Variants in PCDHGA7 observed in about 807,000 individuals in gnomAD.
The protein encoded by PCDHGA7 is protocadherin gamma-A7.
In PCDHGA7, 44 loss-of-function variants were observed where a neutral mutation model predicts 58.3. The observed-to-expected ratio is 0.75, with a 90% CI of 0.59 to 0.97. PCDHGA7 has a LOEUF of 0.97. PCDHGA7 is among the 50% of genes least tolerant of loss of function. The pLI is 0.00. For synonymous variants in PCDHGA7, 516 were observed against 504.2 expected, an observed-to-expected ratio of 1.02 and a Z score of -0.31; for missense variants, 1,266 against 1,188.7, an observed-to-expected ratio of 1.06 and a Z score of -0.96.
chr5:141,394,619 C>T, intron 1 of PCDHGA7: 1 of 1,613,528 alleles, frequency 6.2e-7, no homozygotes, highest in Non-Finnish European at 8.5e-7. Flanking sequence ...GCCAGAACGC[C>T]TGGCTGTCCT....
At chr5:141,464,978 GT>G in intron 1 of PCDHGA7, among the ~76,000 whole-genome samples, 1 of 152,148 alleles carries the variant, frequency 6.6e-6, no homozygotes, top group East Asian at 1.9e-4. Context: ...CTGGCTTCAA[GT>G]GATCCTCCCA....
intron 1 of PCDHGA7, chr5:141,395,075 C>A: frequency 6.2e-7 from 1 of 1,614,124 alleles, no homozygotes; most frequent in Non-Finnish European, 8.5e-7. Context: ...AGACCTATTC[C>A]CAGGAAGTCT....
At chr5:141,467,643 C>G (rs2099147861) in intron 1 of PCDHGA7, among the ~76,000 whole-genome samples, 1 of 152,112 alleles carries the variant, frequency 6.6e-6, no homozygotes, top group Non-Finnish European at 1.5e-5. Flanking sequence ...TTATCATGTA[C>G]CAAACTTCTA....
chr5:141,449,562 C>T (rs1374591292), intron 1 of PCDHGA7, among the ~76,000 whole-genome samples: 1 of 143,862 alleles, frequency 7.0e-6, no homozygotes, highest in East Asian at 2.0e-4. Context: ...GCACTCCAGC[C>T]TGGGCGACAG....
At chr5:141,466,983 C>A (rs2099133398) in intron 1 of PCDHGA7, among the ~76,000 whole-genome samples, 1 of 151,884 alleles carries the variant, frequency 6.6e-6, no homozygotes, top group African/African-American at 2.4e-5. Context: ...TCATCATTTA[C>A]CTTTTGGCAT....
intron 1 of PCDHGA7, chr5:141,388,729 G>A (rs1407038729): frequency 6.2e-7 from 1 of 1,614,012 alleles, no homozygotes; most frequent in Non-Finnish European, 8.5e-7. Flanking sequence ...TTCTCTTTCA[G>A]TGAAGCTAGC....
intron 1 of PCDHGA7, among the ~76,000 whole-genome samples, chr5:141,449,588 C>CA (rs768743917): frequency 0.036 from 2,064 of 56,756 alleles, 20 homozygotes; most frequent in Middle Eastern, 0.06. Context: ...GACTCTGTCT[C>CA]AAAAAAAAAA....
At position 141,432,540 on chromosome 5, in the gene PCDHGA7, T is replaced by A. The variant is rs147884705; in HGVS notation, c.2424+47217T>A. 7.6e-4 allele frequency: 1,222 copies of A among 1,613,608 alleles called. 1 individual carries two copies. The highest frequency in any genetic ancestry group is 1.1e-3 in the Admixed American group (64 of 59,988). ...TACCTGGTGACCAAGGTGGTGGCGG[T>A]GGACAGAGACTCCGGCCAGAACGCC... On this transcript the variant is annotated intron_variant, in intron 1 of 3. Transcript: ENST00000518325. This position sits in a 1 kb window ranked among gnomAD's most constrained non-coding sequence, Gnocchi z 6.0.
chr5:141,476,798 C>T lies in PCDHGA7; in HGVS notation c.2425-18009C>T. 3.1e-6 allele frequency: 5 copies of T among 1,613,660 alleles called. No homozygotes were observed. The highest frequency in any genetic ancestry group is 4.2e-6 in the Non-Finnish European group (5 of 1,180,028). ...AGGGACCCCAGCTCTCTCCGCCAGC[C>T]TGCCTATTCACATCAAGGTGCTGGA... On this transcript the variant is annotated intron_variant, in intron 1 of 3. Coordinates refer to ENST00000518325, the MANE Select transcript of PCDHGA7 (RefSeq NM_018920.4). This position sits in a 1 kb window ranked among gnomAD's most constrained non-coding sequence, Gnocchi z 7.6.
Position 141,490,066 on chromosome 5 carries a change from C to G in PCDHGA7, c.2425-4741C>G. ...TGATCCAGACGAGGGCACCAACGGC[C>G]AACTAGACTATTCTTTTGGAGACCA... On this transcript the variant is annotated intron_variant, in intron 1 of 3. Coordinates refer to ENST00000518325, the MANE Select transcript of PCDHGA7 (RefSeq NM_018920.4). The surrounding 1 kb of genome is among the most constrained non-coding windows in gnomAD (Gnocchi z 5.4). The G allele has an allele frequency of 1.2e-6, 2 of 1,614,248 alleles. No individual in the cohort carries two copies. Among genetic ancestry groups the G allele is most frequent in the Non-Finnish European group, 1.7e-6 (2 of 1,180,034 alleles).
Position 141,383,969 on chromosome 5 carries a change from C to G in PCDHGA7, c.1070C>G (p.Pro357Arg), listed in dbSNP as rs981868963. 6.2e-7 allele frequency: 1 copy of G among 1,613,732 alleles called. No homozygotes were observed. The highest frequency in any genetic ancestry group is 8.5e-7 in the Non-Finnish European group (1 of 1,179,676). ...ATGACGTCTTTAAGTAGCTCAATCCCTGAAGACACACCTCTTGGGACAGTC... is the reference window on the plus strand; with the variant it reads ...ATGACGTCTTTAAGTAGCTCAATCCGTGAAGACACACCTCTTGGGACAGTC... ...VTMTSLSSSIPEDTPLGTVIA... is the reference protein window; with the variant it reads ...VTMTSLSSSIREDTPLGTVIA... The change falls in exon 1 of 4, where the codon CCT (proline) becomes CGT (arginine). Residue 357 changes from proline to arginine, a missense_variant. Physicochemically the swap from Pro to Arg is moderately radical, Grantham distance 103. Transcript: ENST00000518325.
At chr5:141,474,241 G>A (rs1367530484) in intron 1 of PCDHGA7, among the ~76,000 whole-genome samples, 8 of 151,928 alleles carry the variant, frequency 5.3e-5, no homozygotes, top group East Asian at 1.9e-4. Context: ...TGCTGAATAG[G>A]GGAAAAAAAG....
intron 3 of PCDHGA7, among the ~76,000 whole-genome samples, chr5:141,509,015 C>T (rs1370464396): frequency 6.6e-6 from 1 of 152,098 alleles, no homozygotes; most frequent in East Asian, 1.9e-4. Flanking sequence ...AAGTGGGCAG[C>T]TGCTCCCTCC....
intron 1 of PCDHGA7, chr5:141,389,633 C>T: frequency 1.2e-6 from 2 of 1,613,016 alleles, no homozygotes; most frequent in Non-Finnish European, 1.7e-6. Flanking sequence ...CAGAGCCTGG[C>T]TACTTGGTGA....
At chr5:141,452,760 G>C (rs920853226) in intron 1 of PCDHGA7, among the ~76,000 whole-genome samples, 1 of 152,120 alleles carries the variant, frequency 6.6e-6, no homozygotes, top group African/African-American at 2.4e-5. Context: ...AAGGAAGGGA[G>C]GGAGGGAAAA....
At chr5:141,498,919 C>A (rs897611505) in intron 2 of PCDHGA7, among the ~76,000 whole-genome samples, 1 of 122,240 alleles carries the variant, frequency 8.2e-6, no homozygotes. Context: ...GGTGACAGAG[C>A]GAGACTCCAT....
At position 141,410,774 on chromosome 5, in the gene PCDHGA7, C is replaced by T; in HGVS notation, c.2424+25451C>T. 4 of 955,126 alleles carry T rather than the reference C, an allele frequency of 4.2e-6. No individual in the cohort carries two copies. The South Asian group carries it at 6.1e-5, about 15-fold the overall frequency. The allele number at this position is 955,126 out of a possible 1,614,324, so 59.2% of individuals were successfully genotyped here. ...AATGTTTTTTCAATTATAGTTTTCA[C>T]TATGTATTTGGTTCATAAGTTGCTC... On this transcript the variant is annotated intron_variant, in intron 1 of 3. Coordinates refer to ENST00000518325, the MANE Select transcript of PCDHGA7 (RefSeq NM_018920.4).
intron 1 of PCDHGA7, chr5:141,421,835 G>T: frequency 6.2e-7 from 1 of 1,613,746 alleles, no homozygotes. Flanking sequence ...AGCCTGGACC[G>T]AGAGAAAGAG....
chr5:141,410,024 G>T (rs771946302), intron 1 of PCDHGA7: 4 of 1,613,164 alleles, frequency 2.5e-6, no homozygotes, highest in Non-Finnish European at 3.4e-6. Flanking sequence ...GTCCTACCAC[G>T]TGCTGCAGGC....
Sources: allele counts gnomAD v4.1 joint callset (sites outside exome capture counted in the v4.1 genomes callset), GRCh38; gene constraint gnomAD v4.1.1; non-coding constraint Gnocchi (gnomAD v3.1); transcripts MANE v1.5; gene names NCBI Gene and HGNC (gene_info 2026-07-23, HGNC 2026-07-21).